The following ARHGAP15 variants were observed in gnomAD, a reference collection of about 807,000 sequenced individuals.
The protein encoded by ARHGAP15 is rho GTPase-activating protein 15.
Under a neutral mutation model 63.7 loss-of-function variants are expected in ARHGAP15, and 51 were observed. The observed-to-expected ratio is 0.80, with a 90% CI of 0.64 to 1.01. The LOEUF (loss-of-function observed/expected upper bound fraction) is 1.01. Ranked by LOEUF, ARHGAP15 falls within the 50% of genes least tolerant of loss-of-function variation. The pLI is 0.00. For missense variants in ARHGAP15, 560 were observed against 564.6 expected, an observed-to-expected ratio of 0.99 and a Z score of 0.08; for synonymous variants, 191 against 193.8, an observed-to-expected ratio of 0.99 and a Z score of 0.12.
chr2:143,550,879 C>T lies in ARHGAP15; in HGVS notation c.926-5529C>T, dbSNP rs143396094. Among the ~76,000 whole-genome samples the T allele has an allele frequency of 4.7e-4, 72 of 152,050 alleles. No individual in the cohort carries two copies. In the East Asian group the frequency reaches 8.5e-3, roughly 18 times the overall value. On this transcript the variant is annotated intron_variant, in intron 10 of 13. Transcript: ENST00000295095. Reference sequence around the variant, plus strand: ...CCCAAATTTTAAGAATATAAACAAACGCATAAAGAATAAAACTGGGAAGGG... The same window carrying T: ...CCCAAATTTTAAGAATATAAACAAATGCATAAAGAATAAAACTGGGAAGGG...
chr2:143,287,961 C>T (rs911474197), intron 6 of ARHGAP15, among the ~76,000 whole-genome samples: 1 of 152,162 alleles, frequency 6.6e-6, no homozygotes, highest in African/African-American at 2.4e-5. Flanking sequence ...ATCTTCCAAA[C>T]TTTAAGAGGT....
intron 2 of ARHGAP15, among the ~76,000 whole-genome samples, chr2:143,181,790 C>T (rs1450727879): frequency 1.3e-5 from 2 of 152,188 alleles, no homozygotes; most frequent in Non-Finnish European, 2.9e-5. Flanking sequence ...GTTTTACTTT[C>T]TTATCATTCC....
chr2:143,240,690 T>G (rs1238294577), intron 5 of ARHGAP15, among the ~76,000 whole-genome samples: 1 of 152,076 alleles, frequency 6.6e-6, no homozygotes, highest in East Asian at 1.9e-4. Flanking sequence ...AAACATTTAA[T>G]GATTAGGAAA....
chr2:143,509,512 A>G (rs1181053066), intron 9 of ARHGAP15, among the ~76,000 whole-genome samples: 3 of 152,180 alleles, frequency 2.0e-5, no homozygotes, highest in African/African-American at 7.2e-5. Flanking sequence ...AAGCACTTAC[A>G]GTATATTCTG....
At chr2:143,492,563 G>T (rs1419028599) in intron 9 of ARHGAP15, among the ~76,000 whole-genome samples, 1 of 151,224 alleles carries the variant, frequency 6.6e-6, no homozygotes, top group Non-Finnish European at 1.5e-5. Flanking sequence ...TTCAAGATGA[G>T]CCTGGGCACG....
chr2:143,384,554 T>A (rs1553472482), intron 6 of ARHGAP15, among the ~76,000 whole-genome samples: 1 of 108,078 alleles, frequency 9.3e-6, no homozygotes, highest in Non-Finnish European at 1.9e-5. Context: ...AAGGCCTATG[T>A]GTTTTAGAGT....
chr2:143,550,085 A>G (rs1024475190), intron 10 of ARHGAP15, among the ~76,000 whole-genome samples: 4 of 152,222 alleles, frequency 2.6e-5, no homozygotes, highest in African/African-American at 4.8e-5. Flanking sequence ...TTTCCAAATG[A>G]AAAGGCCCAG....
intron 11 of ARHGAP15, among the ~76,000 whole-genome samples, chr2:143,588,522 C>A (rs1697198816): frequency 1.3e-5 from 2 of 152,108 alleles, no homozygotes; most frequent in Non-Finnish European, 2.9e-5. Context: ...GGGTGTCGTT[C>A]CCTTCCCTGT....
chr2:143,291,566 G>C (rs1312347889), intron 6 of ARHGAP15, among the ~76,000 whole-genome samples: 1 of 152,030 alleles, frequency 6.6e-6, no homozygotes, highest in Non-Finnish European at 1.5e-5. Context: ...TACCAGGTGG[G>C]TTCTCTTCAG....
intron 3 of ARHGAP15, among the ~76,000 whole-genome samples, chr2:143,210,429 A>C (rs535963486): frequency 6.6e-6 from 1 of 152,146 alleles, no homozygotes; most frequent in Non-Finnish European, 1.5e-5. Flanking sequence ...TCAAAATGAC[A>C]TTTTGATGAG....
At chr2:143,529,166 C>T (rs534547986) in intron 10 of ARHGAP15, among the ~76,000 whole-genome samples, 2 of 152,208 alleles carry the variant, frequency 1.3e-5, no homozygotes, top group South Asian at 2.1e-4. Flanking sequence ...AGATGTTCCT[C>T]CTATTTTATT....
At chr2:143,466,695 T>G (rs1445954216) in intron 8 of ARHGAP15, among the ~76,000 whole-genome samples, 1 of 152,102 alleles carries the variant, frequency 6.6e-6, no homozygotes, top group Non-Finnish European at 1.5e-5. Flanking sequence ...CAGACACCCT[T>G]GAGGGGCTCG....
chr2:143,734,587 G>T (rs1285352709), intron 13 of ARHGAP15, among the ~76,000 whole-genome samples: 1 of 152,158 alleles, frequency 6.6e-6, no homozygotes, highest in Non-Finnish European at 1.5e-5. Context: ...TGGTATTGTC[G>T]ATTTTGATTA....
At chr2:143,361,755 G>T (rs537459285) in intron 6 of ARHGAP15, among the ~76,000 whole-genome samples, 1 of 152,066 alleles carries the variant, frequency 6.6e-6, no homozygotes, top group South Asian at 2.1e-4. Context: ...TCTACCATAG[G>T]TTCATAAACA....
chr2:143,431,210 T>C (rs1689375757), intron 6 of ARHGAP15, among the ~76,000 whole-genome samples: 1 of 152,014 alleles, frequency 6.6e-6, no homozygotes, highest in South Asian at 2.1e-4. Context: ...TCACGGCCCT[T>C]TTCCTGTTCA....
chr2:143,309,819 T>C (rs115459526), intron 6 of ARHGAP15, among the ~76,000 whole-genome samples: 332 of 151,946 alleles, frequency 2.2e-3, no homozygotes, highest in African/African-American at 7.8e-3. Flanking sequence ...ACCAAAAATA[T>C]CTCCAAACAT....
intron 12 of ARHGAP15, among the ~76,000 whole-genome samples, chr2:143,663,614 G>A (rs1681962495): frequency 6.6e-6 from 1 of 152,036 alleles, no homozygotes; most frequent in African/African-American, 2.4e-5. Flanking sequence ...AAAAGACACA[G>A]ACTGGCAAAT....
At chr2:143,543,609 T>C (rs895554227) in intron 10 of ARHGAP15, among the ~76,000 whole-genome samples, 2 of 151,944 alleles carry the variant, frequency 1.3e-5, no homozygotes, top group Non-Finnish European at 2.9e-5. Context: ...ATATTTTCTT[T>C]CCATGACAAT....
intron 2 of ARHGAP15, among the ~76,000 whole-genome samples, chr2:143,172,937 A>C (rs574888686): frequency 6.6e-6 from 1 of 152,232 alleles, no homozygotes; most frequent in Non-Finnish European, 1.5e-5. Flanking sequence ...GCGTAGAAAT[A>C]TAAGAGGGCT....
Sources: allele counts gnomAD v4.1 joint callset (sites outside exome capture counted in the v4.1 genomes callset), GRCh38; gene constraint gnomAD v4.1.1; transcripts MANE v1.5; gene names NCBI Gene and HGNC (gene_info 2026-07-23, HGNC 2026-07-21).